SPIN1: variants seen among roughly 807,000 people sequenced by gnomAD.
SPIN1 encodes spindlin 1.
A neutral mutation model predicts 26.0 loss-of-function variants in SPIN1; 3 were observed. The observed-to-expected ratio is 0.12, with a 90% CI of 0.05 to 0.30. SPIN1 has a LOEUF of 0.30. Among genes scored for constraint, SPIN1 ranks in the 10% least tolerant of loss-of-function variants. The probability of loss-of-function intolerance (pLI) is 1.00; values close to 1 mark genes in which losing one functional copy is unlikely to be tolerated. For missense variants in SPIN1, 126 were observed against 333.4 expected (o/e 0.38, Z 4.84); for synonymous variants, 101 against 116.5 (o/e 0.87, Z 0.86).
intron 2 of SPIN1, among the ~76,000 whole-genome samples, chr9:88,432,734 G>A (rs966287467): frequency 6.6e-6 from 1 of 152,016 alleles, no homozygotes; most frequent in African/African-American, 2.4e-5. Flanking sequence ...TGATCTGCCT[G>A]CCTTGACCTT....
chr9:88,407,527 G>A (rs1337690810), intron 1 of SPIN1, among the ~76,000 whole-genome samples: 1 of 151,786 alleles, frequency 6.6e-6, no homozygotes, highest in East Asian at 2.0e-4. Context: ...CTATTGAATT[G>A]TGGTCAGGAG....
At chr9:88,394,478 A>C (rs1249675833) in intron 1 of SPIN1, among the ~76,000 whole-genome samples, 1 of 152,238 alleles carries the variant, frequency 6.6e-6, no homozygotes, top group Non-Finnish European at 1.5e-5. Flanking sequence ...TGGTATTTCC[A>C]GTTCGAATTT....
intron 1 of SPIN1, among the ~76,000 whole-genome samples, chr9:88,415,340 C>T (rs914322632): frequency 1.3e-5 from 2 of 152,138 alleles, no homozygotes; most frequent in Admixed American, 6.6e-5. Context: ...AAGGATTGAG[C>T]CCTTTATTTT....
At chr9:88,402,891 T>G (rs1470528377) in intron 1 of SPIN1, among the ~76,000 whole-genome samples, 1 of 152,190 alleles carries the variant, frequency 6.6e-6, no homozygotes, top group Non-Finnish European at 1.5e-5. Context: ...TCCGTACTGT[T>G]TTTCATAATG....
chr9:88,444,970 A>G (rs537241422), intron 2 of SPIN1, among the ~76,000 whole-genome samples: 51 of 152,282 alleles, frequency 3.3e-4, no homozygotes, highest in Middle Eastern at 3.4e-3. Context: ...CTGGGATTAC[A>G]GGCGTGAGCC....
chr9:88,471,654 CAAA>C (rs1166469042), intron 5 of SPIN1, among the ~76,000 whole-genome samples: 269 of 59,724 alleles, frequency 4.5e-3, no homozygotes, highest in African/African-American at 0.017. Context: ...GACTCTGTCT[CAAA>C]AAAAAAAAAA....
rs562338059 is a variant in SPIN1, at chr9:88,456,226, T to C, written c.102-6270T>C. 1.4e-3 allele frequency among the ~76,000 whole-genome samples: 211 copies of C among 152,282 alleles called. 1 individual carries two copies. Among genetic ancestry groups the C allele is most frequent in the Non-Finnish European group, 5.6e-4 (38 of 68,022 alleles). ...CATTTTATACACAGATAGAAAATAA[T>C]ACTTCATCATAATTTGTACTAAAAT... is the stretch of plus-strand genomic sequence containing the variant. On this transcript the variant is annotated intron_variant, in intron 3 of 5. Coordinates refer to ENST00000375859, the MANE Select transcript of SPIN1 (RefSeq NM_006717.3).
rs140680696 is a variant in SPIN1 at position 88,435,545 on chromosome 9, T to C, written c.52+8954T>C. Reference sequence around the variant, plus strand: ...TGCCAGTGACATATGTTGTCAAATATGTGGTTTTGTCTGTCTTGTGGGTGA... The same window carrying C: ...TGCCAGTGACATATGTTGTCAAATACGTGGTTTTGTCTGTCTTGTGGGTGA... On this transcript the variant is annotated intron_variant, in intron 2 of 5. Transcript: ENST00000375859. 4.1e-3 allele frequency among the ~76,000 whole-genome samples: 627 copies of C among 152,324 alleles called. 4 individuals carry two copies. Among genetic ancestry groups the C allele is most frequent in the African/African-American group, 0.013 (523 of 41,576 alleles).
In SPIN1 at chr9:88,472,827, T is replaced by C. The variant is rs74696067; in HGVS notation, c.590-2251T>C. Among the ~76,000 whole-genome samples the C allele has an allele frequency of 2.0e-4, 31 of 152,348 alleles. 1 individual carries two copies. In the East Asian group the frequency reaches 5.6e-3, roughly 28 times the overall value. On this transcript the variant is annotated intron_variant, in intron 5 of 5. Coordinates refer to ENST00000375859, the MANE Select transcript of SPIN1 (RefSeq NM_006717.3). ...ATTAAATTTACTTCTAAGGATTTTATTCTTTTTGATGCCATTGTGCATATG... is the reference window on the plus strand; with the variant it reads ...ATTAAATTTACTTCTAAGGATTTTACTCTTTTTGATGCCATTGTGCATATG...
chr9:88,391,457 T>G (rs1826918075), intron 1 of SPIN1: 1 of 156,704 alleles, frequency 6.4e-6, no homozygotes, highest in African/African-American at 2.4e-5. Flanking sequence ...AATGGTTCCC[T>G]TCTTGATTCA....
At chr9:88,440,148 GT>G (rs1828089453) in intron 2 of SPIN1, among the ~76,000 whole-genome samples, 1 of 140,352 alleles carries the variant, frequency 7.1e-6, no homozygotes, top group Non-Finnish European at 1.6e-5. Flanking sequence ...GATATTTTTT[GT>G]TTTTAATTTT....
chr9:88,460,878 T>G (rs1828566356), intron 3 of SPIN1, among the ~76,000 whole-genome samples: 1 of 152,206 alleles, frequency 6.6e-6, no homozygotes, highest in African/African-American at 2.4e-5. Context: ...ACACACAAAA[T>G]TAATCATCAC....
intron 1 of SPIN1, among the ~76,000 whole-genome samples, chr9:88,423,879 C>T (rs1368277365): frequency 1.3e-5 from 2 of 152,120 alleles, no homozygotes; most frequent in Non-Finnish European, 2.9e-5. Flanking sequence ...GATTCTCCTG[C>T]CTCAGCATCT....
intron 2 of SPIN1, among the ~76,000 whole-genome samples, chr9:88,441,981 T>C (rs1260720819): frequency 2.7e-5 from 4 of 149,802 alleles, no homozygotes; most frequent in Non-Finnish European, 5.9e-5. Context: ...AGATGGAGTT[T>C]TGCTCTGTCA....
chr9:88,432,344 G>T (rs1049391578), intron 2 of SPIN1, among the ~76,000 whole-genome samples: 1 of 151,776 alleles, frequency 6.6e-6, no homozygotes, highest in Non-Finnish European at 1.5e-5. Context: ...ATGCGCTACT[G>T]CCCTGGCTAA....
chr9:88,435,742 T>A (rs1293881623), intron 2 of SPIN1, among the ~76,000 whole-genome samples: 1 of 152,218 alleles, frequency 6.6e-6, no homozygotes, highest in Admixed American at 6.5e-5. Flanking sequence ...CTTACACTTC[T>A]GTTGTGTGGA....
At chr9:88,460,029 A>G (rs530315387) in intron 3 of SPIN1, among the ~76,000 whole-genome samples, 2 of 152,250 alleles carry the variant, frequency 1.3e-5, no homozygotes, top group African/African-American at 4.8e-5. Flanking sequence ...TTTCTTTAAA[A>G]TTCGTTTATT....
chr9:88,414,392 TCA>T (rs1276918928), intron 1 of SPIN1, among the ~76,000 whole-genome samples: 1 of 152,202 alleles, frequency 6.6e-6, no homozygotes, highest in African/African-American at 2.4e-5. Flanking sequence ...TCACCATGAA[TCA>T]CAGAGATGCC....
intron 1 of SPIN1, among the ~76,000 whole-genome samples, chr9:88,392,926 G>A (rs1009580354): frequency 1.3e-5 from 2 of 152,150 alleles, no homozygotes; most frequent in African/African-American, 4.8e-5. Flanking sequence ...GGTGGTTGGT[G>A]TTGAATTTGT....
Sources: allele counts gnomAD v4.1 joint callset (sites outside exome capture counted in the v4.1 genomes callset), GRCh38; gene constraint gnomAD v4.1.1; transcripts MANE v1.5; gene names NCBI Gene and HGNC (gene_info 2026-07-23, HGNC 2026-07-21).